TTC7B: variants seen among roughly 807,000 people sequenced by gnomAD.
The protein encoded by TTC7B is tetratricopeptide repeat domain 7B.
TTC7B carries 28 observed loss-of-function variants against 106.8 expected under a neutral mutation model. The ratio of observed to expected loss-of-function variants is 0.26; its 90% CI spans 0.19 to 0.36. TTC7B has a LOEUF of 0.36. Ranked by LOEUF, TTC7B falls within the 10% of genes least tolerant of loss-of-function variation. The probability of loss-of-function intolerance (pLI) is 1.00; values close to 1 mark genes in which losing one functional copy is unlikely to be tolerated. For synonymous variants in TTC7B, 405 were observed against 430.6 expected, an observed-to-expected ratio of 0.94 and a Z score of 0.74; for missense variants, 862 against 1,076.4, an observed-to-expected ratio of 0.80 and a Z score of 2.79.
chr14:90,781,429 G>A (rs1251638357), intron 2 of TTC7B, among the ~76,000 whole-genome samples: 2 of 152,182 alleles, frequency 1.3e-5, no homozygotes, highest in African/African-American at 4.8e-5. Flanking sequence ...GAATGGGTGA[G>A]TTGTATGGTA....
chr14:90,680,521 T>C lies in TTC7B; in HGVS notation c.965A>G (p.Gln322Arg), dbSNP rs1887011266. 1 of 1,613,814 alleles carries C rather than the reference T, an allele frequency of 6.2e-7. No individual in the cohort carries two copies. The highest frequency in any genetic ancestry group is 8.5e-7 in the Non-Finnish European group (1 of 1,179,874). Residue 322 changes from glutamine (Q) to arginine (R), a missense_variant, in exon 8 of 20, where the codon CAA becomes CGA. Transcript: ENST00000328459. ...CAACAGGGCTTCTTCCGTATTTTCT[T>C]GAGGACAAAAAATGCTGCAGTTGAA... ...VYSGENIFCP[Q>R]ENTEEALLLL...
intron 19 of TTC7B, among the ~76,000 whole-genome samples, chr14:90,564,253 C>A (rs531075806): frequency 6.6e-6 from 1 of 152,066 alleles, no homozygotes; most frequent in Non-Finnish European, 1.5e-5. Context: ...CTTGGGTAAC[C>A]AAGTACATTG....
chr14:90,730,977 G>C (rs1436111761), intron 4 of TTC7B, among the ~76,000 whole-genome samples: 2 of 152,060 alleles, frequency 1.3e-5, no homozygotes, highest in East Asian at 3.9e-4. Context: ...ACAGAGTCTC[G>C]CTCTGTCGCC....
intron 1 of TTC7B, among the ~76,000 whole-genome samples, chr14:90,787,554 AAAG>A (rs1891434754): frequency 6.6e-6 from 1 of 152,184 alleles, no homozygotes; most frequent in Admixed American, 6.5e-5. Flanking sequence ...CTGGTCCTAA[AAAG>A]AAGACTAGAT....
chr14:90,783,020 G>C (rs1891270908), intron 2 of TTC7B, among the ~76,000 whole-genome samples: 1 of 152,124 alleles, frequency 6.6e-6, no homozygotes, highest in Non-Finnish European at 1.5e-5. Flanking sequence ...TGCAAGCCTA[G>C]AGGCACAGCT....
intron 15 of TTC7B, among the ~76,000 whole-genome samples, chr14:90,622,061 G>C (rs1884228702): frequency 6.6e-6 from 1 of 151,866 alleles, no homozygotes; most frequent in Admixed American, 6.6e-5. Flanking sequence ...CGATGAAGAG[G>C]GCAGAGGAGA....
chr14:90,703,799 G>A (rs1888096409), intron 5 of TTC7B, among the ~76,000 whole-genome samples: 1 of 152,160 alleles, frequency 6.6e-6, no homozygotes, highest in Non-Finnish European at 1.5e-5. Flanking sequence ...TATTTTTCTT[G>A]GGGAAACAAA....
At chr14:90,666,163 T>A (rs1886400816) in intron 9 of TTC7B, among the ~76,000 whole-genome samples, 1 of 152,158 alleles carries the variant, frequency 6.6e-6, no homozygotes, top group South Asian at 2.1e-4. Flanking sequence ...ACTCCTAAAT[T>A]TTTTATTGTT....
At chr14:90,679,027 C>A (rs1299960288) in intron 8 of TTC7B, among the ~76,000 whole-genome samples, 1 of 152,206 alleles carries the variant, frequency 6.6e-6, no homozygotes, top group Admixed American at 6.5e-5. Flanking sequence ...CATGGATGAC[C>A]CGGTGGGGAA....
chr14:90,792,089 T>TG (rs1891605841), intron 1 of TTC7B, among the ~76,000 whole-genome samples: 1 of 152,170 alleles, frequency 6.6e-6, no homozygotes, highest in Non-Finnish European at 1.5e-5. Flanking sequence ...GCACTTCTCC[T>TG]GCTGCTTTGG....
chr14:90,582,262 A>G (rs1891527744), intron 18 of TTC7B, among the ~76,000 whole-genome samples: 2 of 152,178 alleles, frequency 1.3e-5, no homozygotes, highest in African/African-American at 4.8e-5. Flanking sequence ...AGGGTTTCCA[A>G]TTTGCAAGCC....
rs145178899 is a variant in TTC7B at position 90,738,802 on chromosome 14, G to A, written c.576+5990C>T. On this transcript the variant is annotated intron_variant, in intron 4 of 19. Coordinates refer to ENST00000328459, the MANE Select transcript of TTC7B (RefSeq NM_001010854.2). The stretch of plus-strand genomic sequence containing the variant: ...GCTTATACACAACAATACGTTCATC[G>A]TATCGCAGAGGCCACACACGTGATA... Among the ~76,000 whole-genome samples, 764 of 152,278 alleles carry A rather than the reference G, an allele frequency of 5.0e-3. 12 individuals carry two copies. The highest frequency in any genetic ancestry group is 0.017 in the African/African-American group (688 of 41,542).
intron 19 of TTC7B, among the ~76,000 whole-genome samples, chr14:90,559,859 C>T (rs1349318118): frequency 6.6e-6 from 1 of 152,266 alleles, no homozygotes; most frequent in African/African-American, 2.4e-5. Flanking sequence ...GTCCTACAAA[C>T]TGCCAGTGTA....
At chr14:90,655,539 G>T (rs1212769780) in intron 11 of TTC7B, among the ~76,000 whole-genome samples, 2 of 152,082 alleles carry the variant, frequency 1.3e-5, no homozygotes, top group East Asian at 3.9e-4. Flanking sequence ...ATCCATTTAG[G>T]CTTGGATTCT....
intron 7 of TTC7B, among the ~76,000 whole-genome samples, chr14:90,681,821 C>T (rs1887060203): frequency 6.6e-6 from 1 of 152,166 alleles, no homozygotes; most frequent in Non-Finnish European, 1.5e-5. Flanking sequence ...GGAATAGAGC[C>T]TAAAGGCTCT....
At position 90,535,846 on chromosome 14, in the gene TTC7B, G is replaced by A. The variant is rs1364771251; in HGVS notation, c.*5522C>T. ...CTGGGTTCCTGTGAGGCTCCCTCCT[G>A]GCTTGCGGGTGGCCGCCTTCTCCGT... On this transcript the variant is annotated 3_prime_UTR_variant, in exon 20 of 20. Coordinates refer to ENST00000328459, the MANE Select transcript of TTC7B (RefSeq NM_001010854.2). 5 of 152,516 alleles carry A rather than the reference G, an allele frequency of 3.3e-5. No individual in the cohort carries two copies. The highest frequency in any genetic ancestry group is 1.2e-4 in the African/African-American group (5 of 41,474). The allele number at this position is 152,516 out of a possible 1,614,324, so 9.4% of individuals were successfully genotyped here.
intron 9 of TTC7B, among the ~76,000 whole-genome samples, chr14:90,672,167 G>A (rs1401276681): frequency 6.6e-6 from 1 of 152,226 alleles, no homozygotes; most frequent in African/African-American, 2.4e-5. Flanking sequence ...TTGGGGACAA[G>A]AGAAGGAAGG....
intron 17 of TTC7B, among the ~76,000 whole-genome samples, chr14:90,609,055 T>C (rs1892771329): frequency 6.6e-6 from 1 of 152,214 alleles, no homozygotes; most frequent in African/African-American, 2.4e-5. Flanking sequence ...TTGCAGTGGC[T>C]AGTCCTGACA....
chr14:90,809,965 G>T (rs1398306561), intron 1 of TTC7B, among the ~76,000 whole-genome samples: 1 of 152,188 alleles, frequency 6.6e-6, no homozygotes, highest in African/African-American at 2.4e-5. Flanking sequence ...AGGTATTTTG[G>T]TTTTTTCTTC....
Sources: allele counts gnomAD v4.1 joint callset (sites outside exome capture counted in the v4.1 genomes callset), GRCh38; gene constraint gnomAD v4.1.1; transcripts MANE v1.5; gene names NCBI Gene and HGNC (gene_info 2026-07-23, HGNC 2026-07-21).